ZNF383: variants seen among roughly 807,000 people sequenced by gnomAD.
ZNF383 encodes zinc finger protein 383.
ZNF383 carries 32 observed loss-of-function variants against 44.2 expected under a neutral mutation model. That is an observed-to-expected ratio of 0.72 (90% confidence interval 0.55 to 0.97). The LOEUF (loss-of-function observed/expected upper bound fraction) is 0.97. Ranked by LOEUF, ZNF383 falls within the 50% of genes least tolerant of loss-of-function variation. The pLI, the probability that ZNF383 is intolerant of heterozygous loss-of-function variation, is 0.00. For missense variants in ZNF383, 487 were observed against 562.5 expected (o/e 0.87, Z 1.36); for synonymous variants, 155 against 186.2 (o/e 0.83, Z 1.36).
At chr19:37,229,931 A>C (rs1973401498) in intron 2 of ZNF383, among the ~76,000 whole-genome samples, 1 of 151,464 alleles carries the variant, frequency 6.6e-6, no homozygotes, top group African/African-American at 2.4e-5. Flanking sequence ...GGGTTGAGAA[A>C]CAAAAAGACT....
intron 2 of ZNF383, among the ~76,000 whole-genome samples, chr19:37,228,898 C>T (rs1260227191): frequency 6.6e-6 from 1 of 151,966 alleles, no homozygotes; most frequent in Non-Finnish European, 1.5e-5. Context: ...CTTTTTTGTG[C>T]ACTTTATAAC....
intron 5 of ZNF383, among the ~76,000 whole-genome samples, chr19:37,236,870 T>A (rs1047822367): frequency 1.3e-5 from 2 of 151,650 alleles, no homozygotes; most frequent in Admixed American, 6.6e-5. Flanking sequence ...GTCCGGCCCC[T>A]CTTCTGCATT....
chr19:37,236,986 C>CACACACAA (rs1009695109), intron 5 of ZNF383, among the ~76,000 whole-genome samples: 2 of 142,856 alleles, frequency 1.4e-5, no homozygotes, highest in Non-Finnish European at 3.1e-5. Context: ...CACACACACA[C>CACACACAA]ACACACACAG....
rs1973871664 is a variant in ZNF383, at chr19:37,237,420, G to A, written c.232+1346G>A. ...CTATATTAAAAAGGAAGAGGTGGCAGAGCAGGAGAGATTTGGGATGAAGTA... is the reference window on the plus strand; with the variant it reads ...CTATATTAAAAAGGAAGAGGTGGCAAAGCAGGAGAGATTTGGGATGAAGTA... On this transcript the variant is annotated intron_variant, in intron 5 of 5. Transcript: ENST00000684119. Among the ~76,000 whole-genome samples the A allele has an allele frequency of 2.0e-5, 3 of 152,134 alleles. No homozygotes were observed. The South Asian group carries it at 6.2e-4, about 32-fold the overall frequency.
intron 1 of ZNF383, among the ~76,000 whole-genome samples, chr19:37,223,464 G>A (rs1973020287): frequency 6.6e-6 from 1 of 151,924 alleles, no homozygotes; most frequent in Non-Finnish European, 1.5e-5. Flanking sequence ...TTAGGAAACC[G>A]AGGCAGGAGG....
chr19:37,242,871 A>C lies in ZNF383; in HGVS notation c.635A>C (p.His212Pro). 1 of 1,614,034 alleles carries C rather than the reference A, an allele frequency of 6.2e-7. No homozygotes were observed. Among genetic ancestry groups the C allele is most frequent in the Non-Finnish European group, 8.5e-7 (1 of 1,179,934 alleles). ...GGGAAATTCTTTAGTTGTGGTTCAC[A>C]TGTTACTCGGCATCTGAAAATTCAT... Reference protein sequence around the residue: ...ECGKFFSCGSHVTRHLKIHTG... With the variant: ...ECGKFFSCGSPVTRHLKIHTG... The change falls in exon 6 of 6, where the codon CAT (histidine) becomes CCT (proline). Residue 212 changes from histidine to proline, a missense_variant. Transcript: ENST00000684119.
chr19:37,219,908 A>G (rs922864535), intron 1 of ZNF383, among the ~76,000 whole-genome samples: 3 of 152,154 alleles, frequency 2.0e-5, no homozygotes, highest in African/African-American at 7.2e-5. Flanking sequence ...TTTCTACAAA[A>G]TGTTCACTTA....
At chr19:37,221,979 A>G (rs1157340931) in intron 1 of ZNF383, among the ~76,000 whole-genome samples, 2 of 151,628 alleles carry the variant, frequency 1.3e-5, no homozygotes, top group African/African-American at 4.8e-5. Context: ...AAAAAGAAAA[A>G]GCATATTCCT....
intron 5 of ZNF383, among the ~76,000 whole-genome samples, chr19:37,241,455 C>G (rs1974079141): frequency 6.6e-6 from 1 of 152,222 alleles, no homozygotes; most frequent in Admixed American, 6.5e-5. Context: ...CATGCCCTCT[C>G]CCTGTGGAGT....
intron 3 of ZNF383, among the ~76,000 whole-genome samples, chr19:37,231,875 A>G (rs922999206): frequency 3.3e-5 from 5 of 152,150 alleles, no homozygotes; most frequent in Non-Finnish European, 5.9e-5. Context: ...CTCCCTTAAT[A>G]AAGGAGAAAA....
At chr19:37,235,071 G>T (rs544522499) in intron 3 of ZNF383, among the ~76,000 whole-genome samples, 1 of 152,034 alleles carries the variant, frequency 6.6e-6, no homozygotes, top group Non-Finnish European at 1.5e-5. Flanking sequence ...TCAGGAGTTC[G>T]AGACCAGCCT....
chr19:37,242,344 C>A, intron 5 of ZNF383, 125 bp from the exon 6 acceptor site: 1 of 606,150 alleles, frequency 1.6e-6, no homozygotes. Context: ...CACAGATATC[C>A]TTGTGAACCC....
rs749726181 is a variant in ZNF383, at chr19:37,242,554, A to G, written c.318A>G (p.Gly106=). The change falls in exon 6 of 6, where the codon GGA becomes GGG. Residue 106 remains glycine, a synonymous_variant. Transcript: ENST00000684119. ...AATTATGCCAGAGGGAGATAATGGG[A>G]CTTACAAAGCATGGCCTTGAGTACT... The part of the protein sequence containing the change: ...EIELCQREIM[G]LTKHGLEYSS... The G allele has an allele frequency of 2.5e-6, 4 of 1,614,026 alleles. No individual in the cohort carries two copies. Among genetic ancestry groups the G allele is most frequent in the South Asian group, 2.2e-5 (2 of 91,080 alleles).
At chr19:37,221,489 G>A (rs769650552) in intron 1 of ZNF383, among the ~76,000 whole-genome samples, 1 of 152,098 alleles carries the variant, frequency 6.6e-6, no homozygotes, top group Non-Finnish European at 1.5e-5. Context: ...GATAAGGTGG[G>A]AGGATTGTTT....
At position 37,248,515 on chromosome 19, in the gene ZNF383, G is replaced by C. The variant is rs1974445044; in HGVS notation, c.*4851G>C. 6.6e-6 allele frequency: 1 copy of C among 152,156 alleles called. No homozygotes were observed. The highest frequency in any genetic ancestry group is 1.5e-5 in the Non-Finnish European group (1 of 68,016). 9.4% of individuals were successfully genotyped at this position (152,156 alleles called of 1,614,324 possible). On this transcript the variant is annotated 3_prime_UTR_variant, in exon 6 of 6. Transcript: ENST00000684119. ...AAATCAAATTGATTTAGATAAGATT[G>C]TATTTCTTAGTGTCTGAACTCAGGA...
intron 5 of ZNF383, among the ~76,000 whole-genome samples, chr19:37,240,636 A>T (rs1409639848): frequency 6.6e-6 from 1 of 152,164 alleles, no homozygotes; most frequent in Admixed American, 6.6e-5. Context: ...CCTCTCCCCT[A>T]AGATCAGCAT....
At chr19:37,218,866 G>C (rs1972791559) in intron 1 of ZNF383, among the ~76,000 whole-genome samples, 2 of 152,036 alleles carry the variant, frequency 1.3e-5, no homozygotes, top group Admixed American at 6.6e-5. Context: ...GTGATTGTGT[G>C]TAGTGCTCAA....
At chr19:37,221,234 A>G (rs751085367) in intron 1 of ZNF383, among the ~76,000 whole-genome samples, 7 of 152,208 alleles carry the variant, frequency 4.6e-5, no homozygotes, top group Non-Finnish European at 1.0e-4. Context: ...TTGGTATTCT[A>G]ATCTTTAATG....
intron 3 of ZNF383, among the ~76,000 whole-genome samples, chr19:37,234,875 C>T (rs575338281): frequency 6.6e-6 from 1 of 152,328 alleles, no homozygotes; most frequent in Admixed American, 6.5e-5. Context: ...ACAAGACGTT[C>T]AGACTCATCC....
Sources: allele counts gnomAD v4.1 joint callset (sites outside exome capture counted in the v4.1 genomes callset), GRCh38; gene constraint gnomAD v4.1.1; transcripts MANE v1.5; gene names NCBI Gene and HGNC (gene_info 2026-07-23, HGNC 2026-07-21).